Variants in ETV1 observed in about 807,000 individuals in gnomAD.
ETV1 encodes ETS translocation variant 1.
In ETV1, 27 loss-of-function variants were observed where a neutral mutation model predicts 62.3. That is an observed-to-expected ratio of 0.43 (90% CI 0.32 to 0.60). ETV1 has a LOEUF of 0.60. Ranked by LOEUF, ETV1 falls within the 20% of genes least tolerant of loss-of-function variation. ETV1 has a pLI of 0.06. For missense variants in ETV1, 605 were observed against 605.8 expected (o/e 1.00, Z 0.01); for synonymous variants, 222 against 199.6 (o/e 1.11, Z -0.94).
rs1787994002 is a variant in ETV1 at position 13,945,014 on chromosome 7, C to A, written c.236-5768G>T. Among the ~76,000 whole-genome samples the A allele has an allele frequency of 3.3e-5, 5 of 152,232 alleles. No individual in the cohort carries two copies. The Middle Eastern group carries it at 0.014, about 414-fold the overall frequency. On this transcript the variant is annotated intron_variant, in intron 6 of 13. Transcript: ENST00000430479. The stretch of plus-strand genomic sequence containing the variant: ...GCAGGGAATAGATTCCCTCTCACAG[C>A]CCTCCGATCCCTGCTGACATCCTTC...
intron 6 of ETV1, among the ~76,000 whole-genome samples, chr7:13,964,565 T>A (rs957914868): frequency 3.3e-5 from 5 of 152,240 alleles, no homozygotes; most frequent in South Asian, 2.1e-4. Flanking sequence ...ATAGATACAT[T>A]AACATTGATA....
rs764800241 is a variant in ETV1, at chr7:13,989,618, A to G, written c.-340T>C. ...AAACTTCCCTCCAAATTTAATAAAA[A>G]CATTAATTATAGCCCAGCACTTCCC... On this transcript the variant is annotated 5_prime_UTR_variant, in exon 1 of 14. Coordinates refer to ENST00000430479, the MANE Select transcript of ETV1 (RefSeq NM_004956.5). The G allele has an allele frequency of 5.0e-6, 2 of 399,094 alleles. No individual in the cohort carries two copies. The highest frequency in any genetic ancestry group is 4.4e-6 in the Non-Finnish European group (1 of 226,136). 24.7% of individuals were successfully genotyped at this position (399,094 alleles called of 1,614,324 possible). A position where few individuals can be genotyped will look rare whatever the true frequency, so the allele number is the denominator to read the frequency against.
chr7:13,924,950 A>G lies in ETV1; in HGVS notation c.802+6552T>C, dbSNP rs551005077. ...TGCTGTCAAAGAGTTACGTGCCTCCAAATTGAAAAAAGGCCTCATGAGTAG... is the reference window on the plus strand; with the variant it reads ...TGCTGTCAAAGAGTTACGTGCCTCCGAATTGAAAAAAGGCCTCATGAGTAG... On this transcript the variant is annotated intron_variant, in intron 9 of 13. Coordinates refer to ENST00000430479, the MANE Select transcript of ETV1 (RefSeq NM_004956.5). Among the ~76,000 whole-genome samples, 85 of 152,308 alleles carry G rather than the reference A, an allele frequency of 5.6e-4. 1 individual carries two copies. The highest frequency in any genetic ancestry group is 2.0e-3 in the African/African-American group (82 of 41,550).
intron 3 of ETV1, 117 bp from the exon 4 acceptor site, chr7:13,988,290 C>A: frequency 1.5e-6 from 1 of 661,652 alleles, no homozygotes; most frequent in African/African-American, 1.8e-5. Flanking sequence ...TGGATCTTCT[C>A]TGAATAGAAA....
chr7:13,896,168 GGT>G, intron 13 of ETV1, 81 bp from the exon 14 acceptor site: 1 of 1,170,578 alleles, frequency 8.5e-7, no homozygotes, highest in Non-Finnish European at 1.2e-6. Context: ...CCAAAAACGT[GGT>G]TTAATATACA....
intron 6 of ETV1, among the ~76,000 whole-genome samples, chr7:13,947,176 T>C (rs1380573978): frequency 6.6e-6 from 1 of 152,232 alleles, no homozygotes; most frequent in African/African-American, 2.4e-5. Flanking sequence ...AGATAATGTT[T>C]GTTACAACTG....
chr7:13,939,254 AAAG>A lies in ETV1; in HGVS notation c.236-11_236-9del, dbSNP rs1322030230. Reference sequence around the variant, plus strand: ...GCAGGCCATGAAAAGCCACTAGAAAAAAGAACAAAAATATCCACAAAAATTAAA... The same window carrying A: ...GCAGGCCATGAAAAGCCACTAGAAAAAACAAAAATATCCACAAAAATTAAA... On this transcript the variant is annotated splice_polypyrimidine_tract_variant and intron_variant, in intron 6 of 13. Coordinates refer to ENST00000430479, the MANE Select transcript of ETV1 (RefSeq NM_004956.5). 2.5e-6 allele frequency: 4 copies of A among 1,598,146 alleles called. No individual in the cohort carries two copies. In the African/African-American group the frequency reaches 5.4e-5, roughly 22 times the overall value.
rs185768222 is a variant in ETV1, at chr7:13,932,764, C to A, written c.555-1015G>T. 2.1e-3 allele frequency among the ~76,000 whole-genome samples: 314 copies of A among 152,242 alleles called. 1 individual carries two copies. Among genetic ancestry groups the A allele is most frequent in the Non-Finnish European group, 3.4e-3 (233 of 68,020 alleles). ...CTTAAAAATAACCTATAAAACATTTCTATGAGCAAATATAAGCCTAATAAC... is the reference window on the plus strand; with the variant it reads ...CTTAAAAATAACCTATAAAACATTTATATGAGCAAATATAAGCCTAATAAC... On this transcript the variant is annotated intron_variant, in intron 8 of 13. Transcript: ENST00000430479.
At chr7:13,935,949 TA>T (rs1463415850) in intron 7 of ETV1, 53 bp from the exon 8 acceptor site, 4 of 1,414,018 alleles carry the variant, frequency 2.8e-6, no homozygotes, top group African/African-American at 1.5e-5. Context: ...AGCAATTTTT[TA>T]AAAAAGTTTC....
chr7:13,916,014 A>C, intron 9 of ETV1, among the ~76,000 whole-genome samples: 1 of 148,864 alleles, frequency 6.7e-6, no homozygotes, highest in South Asian at 2.1e-4. Context: ...ACTGAACTGG[A>C]TGCGAATGTA....
chr7:13,988,643 C>T lies in ETV1; in HGVS notation c.45+365G>A, dbSNP rs757393180. ...GAGAAAAAAAAAAGAAACAAAAACA[C>T]CCCATATAAACAAAAAGTGTCAGCA... On this transcript the variant is annotated intron_variant, in intron 3 of 13. Coordinates refer to ENST00000430479, the MANE Select transcript of ETV1 (RefSeq NM_004956.5). 3 of 1,324,468 alleles carry T rather than the reference C, an allele frequency of 2.3e-6. 1 individual carries two copies. Among genetic ancestry groups the T allele is most frequent in the Non-Finnish European group, 9.7e-7 (1 of 1,028,768 alleles). The allele number at this position is 1,324,468 out of a possible 1,614,324, so 82.0% of individuals were successfully genotyped here. A position where few individuals can be genotyped will look rare whatever the true frequency, so the allele number is the denominator to read the frequency against.
At position 13,895,192 on chromosome 7, in the gene ETV1, A is replaced by C. The variant is rs2128398334; in HGVS notation, c.*674T>G. On this transcript the variant is annotated 3_prime_UTR_variant, in exon 14 of 14. Transcript: ENST00000430479. Reference sequence around the variant, plus strand: ...GACTCAGTTTGGCGCCAGAGTCCAAAATTGTGCCCCTCATTTACAGTCATG... The same window carrying C: ...GACTCAGTTTGGCGCCAGAGTCCAACATTGTGCCCCTCATTTACAGTCATG... 4.3e-6 allele frequency: 1 copy of C among 233,512 alleles called. No individual in the cohort carries two copies. The highest frequency in any genetic ancestry group is 1.8e-4 in the South Asian group (1 of 5,524). 14.5% of individuals were successfully genotyped at this position (233,512 alleles called of 1,614,324 possible).
At chr7:13,909,881 A>T (rs929061719) in intron 10 of ETV1, among the ~76,000 whole-genome samples, 181 bp from the exon 11 acceptor site, 5 of 152,158 alleles carry the variant, frequency 3.3e-5, no homozygotes, top group African/African-American at 1.2e-4. Context: ...ATTAAATGGG[A>T]TGACAGTAAC....
At chr7:13,910,987 T>G (rs943339428) in intron 10 of ETV1, among the ~76,000 whole-genome samples, 2 of 152,170 alleles carry the variant, frequency 1.3e-5, no homozygotes, top group African/African-American at 4.8e-5. Context: ...TTTAAAAGGA[T>G]GTGGTTGTTG....
upstream of ETV1, chr7:13,991,038 G>A (rs1782980442): frequency 6.6e-6 from 1 of 152,252 alleles, no homozygotes; most frequent in Non-Finnish European, 1.5e-5. Context: ...TTATTACTGG[G>A]AAAACAACCA....
At chr7:13,990,263 A>C (rs1782932252), upstream of ETV1, 1 of 152,202 alleles carries the variant, frequency 6.6e-6, no homozygotes, top group African/African-American at 2.4e-5. Flanking sequence ...CCTCAACTAA[A>C]ATTAGATCCT....
At chr7:13,948,056 G>A (rs556506027) in intron 6 of ETV1, among the ~76,000 whole-genome samples, 16 of 152,232 alleles carry the variant, frequency 1.1e-4, no homozygotes, top group Non-Finnish European at 2.1e-4. Flanking sequence ...GAGTATTCAC[G>A]TTTGCTTTTA....
At chr7:13,952,265 C>T (rs1788912935) in intron 6 of ETV1, among the ~76,000 whole-genome samples, 1 of 152,062 alleles carries the variant, frequency 6.6e-6, no homozygotes, top group African/African-American at 2.4e-5. Context: ...GCCATTAGGC[C>T]AAGTCATCTT....
rs998099147 is a variant in ETV1, at chr7:13,895,022, C to A, written c.*844G>T. On this transcript the variant is annotated 3_prime_UTR_variant, in exon 14 of 14. Coordinates refer to ENST00000430479, the MANE Select transcript of ETV1 (RefSeq NM_004956.5). ...AGATATTTTTTGCTTCATTTTGATT[C>A]CAGATTTAACATTTAAATGAAGATT... 2 of 232,944 alleles carry A rather than the reference C, an allele frequency of 8.6e-6. No homozygotes were observed. Among genetic ancestry groups the A allele is most frequent in the Admixed American group, 5.6e-5 (1 of 17,754 alleles). 14.4% of individuals were successfully genotyped at this position (232,944 alleles called of 1,614,324 possible). A position where few individuals can be genotyped will look rare whatever the true frequency, so the allele number is the denominator to read the frequency against.
Sources: allele counts gnomAD v4.1 joint callset (sites outside exome capture counted in the v4.1 genomes callset), GRCh38; gene constraint gnomAD v4.1.1; transcripts MANE v1.5; gene names NCBI Gene and HGNC (gene_info 2026-07-23, HGNC 2026-07-21).